Variants in CERS6 observed in about 807,000 individuals in gnomAD.
CERS6 encodes ceramide synthase 6.
A neutral mutation model predicts 56.8 loss-of-function variants in CERS6; 26 were observed. The observed-to-expected ratio is 0.46, with a 90% CI of 0.34 to 0.63. The LOEUF (loss-of-function observed/expected upper bound fraction) is 0.63, where lower values mean the gene tolerates loss of function less well. CERS6 is among the 30% of genes least tolerant of loss of function. The pLI is 0.01. For synonymous variants in CERS6, 164 were observed against 173.3 expected, an observed-to-expected ratio of 0.95 and a Z score of 0.42; for missense variants, 415 against 467.5, an observed-to-expected ratio of 0.89 and a Z score of 1.04.
intron 3 of CERS6, among the ~76,000 whole-genome samples, chr2:168,595,241 A>G (rs781437235): frequency 1.3e-5 from 2 of 152,238 alleles, no homozygotes; most frequent in African/African-American, 2.4e-5. Context: ...GAGCACATGT[A>G]TCCTATGCAG....
intron 4 of CERS6, among the ~76,000 whole-genome samples, chr2:168,651,948 T>G (rs997196414): frequency 6.6e-6 from 1 of 152,246 alleles, no homozygotes; most frequent in African/African-American, 2.4e-5. Flanking sequence ...TGATAATTTA[T>G]TAGCTGGTAA....
intron 3 of CERS6, among the ~76,000 whole-genome samples, chr2:168,628,280 AC>A (rs545939403): frequency 7.2e-4 from 109 of 152,298 alleles, no homozygotes; most frequent in African/African-American, 2.5e-3. Context: ...AGACCTGCTC[AC>A]AGAGGGGATG....
intron 1 of CERS6, among the ~76,000 whole-genome samples, chr2:168,529,769 A>G (rs764164126): frequency 6.6e-6 from 1 of 152,158 alleles, no homozygotes; most frequent in Non-Finnish European, 1.5e-5. Flanking sequence ...TTCCTCAGGG[A>G]CATTTTGAGG....
chr2:168,646,734 C>G (rs1685212411), intron 4 of CERS6, among the ~76,000 whole-genome samples: 1 of 152,142 alleles, frequency 6.6e-6, no homozygotes, highest in African/African-American at 2.4e-5. Context: ...AGGAAGGGGT[C>G]CAGCTTCAGT....
chr2:168,772,835 C>T lies in CERS6; in HGVS notation c.*3173C>T, dbSNP rs181135958. The stretch of plus-strand genomic sequence containing the variant: ...CTGCATCATTATATAATGCCACAGG[C>T]ATCTAGTCAAGGTAAAGAAGCCAGA... On this transcript the variant is annotated 3_prime_UTR_variant, in exon 10 of 10. Transcript: ENST00000305747. The T allele has an allele frequency of 3.9e-5, 6 of 152,714 alleles. No individual in the cohort carries two copies. The highest frequency in any genetic ancestry group is 3.9e-4 in the Admixed American group (6 of 15,292). 9.5% of individuals were successfully genotyped at this position (152,714 alleles called of 1,614,324 possible).
At chr2:168,676,316 C>T (rs1686057879) in intron 4 of CERS6, among the ~76,000 whole-genome samples, 1 of 152,122 alleles carries the variant, frequency 6.6e-6, no homozygotes, top group South Asian at 2.1e-4. Flanking sequence ...ATGGCTGTTT[C>T]ACCCATACAC....
chr2:168,533,519 T>G (rs532273498), intron 1 of CERS6, among the ~76,000 whole-genome samples: 2 of 152,350 alleles, frequency 1.3e-5, no homozygotes, highest in South Asian at 4.1e-4. Flanking sequence ...CCTTGTCTTG[T>G]GCCCAAAGGG....
At chr2:168,760,958 T>C (rs1021766799) in intron 8 of CERS6, among the ~76,000 whole-genome samples, 4 of 151,954 alleles carry the variant, frequency 2.6e-5, no homozygotes, top group African/African-American at 9.7e-5. Flanking sequence ...GGGGTTTCAC[T>C]GTGTTAGCCA....
chr2:168,723,671 T>C (rs531863036), intron 8 of CERS6, among the ~76,000 whole-genome samples: 9 of 152,246 alleles, frequency 5.9e-5, no homozygotes, highest in Admixed American at 4.6e-4. Context: ...ATAATGACTG[T>C]GGAATAATCT....
intron 6 of CERS6, among the ~76,000 whole-genome samples, chr2:168,705,703 T>C (rs755942237): frequency 3.3e-4 from 50 of 152,218 alleles, no homozygotes; most frequent in Non-Finnish European, 6.3e-4. Flanking sequence ...AAATGGATGA[T>C]GGCTTTTGAG....
intron 2 of CERS6, among the ~76,000 whole-genome samples, chr2:168,550,947 A>G (rs1695560252): frequency 6.6e-6 from 1 of 152,214 alleles, no homozygotes; most frequent in South Asian, 2.1e-4. Context: ...GCTACAAGCC[A>G]GGGGATGAGG....
intron 1 of CERS6, among the ~76,000 whole-genome samples, chr2:168,525,259 G>T (rs901973259): frequency 6.6e-6 from 1 of 152,160 alleles, no homozygotes; most frequent in African/African-American, 2.4e-5. Flanking sequence ...TAGGCCCCAC[G>T]CCCAGAGTTG....
intron 3 of CERS6, among the ~76,000 whole-genome samples, chr2:168,580,675 A>T (rs1683387335): frequency 1.3e-5 from 2 of 152,092 alleles, no homozygotes; most frequent in South Asian, 4.1e-4. Context: ...TTGTCTGAAG[A>T]TCCTTGAGGC....
intron 1 of CERS6, among the ~76,000 whole-genome samples, chr2:168,528,992 T>C (rs1695119047): frequency 6.6e-6 from 1 of 152,180 alleles, no homozygotes; most frequent in Non-Finnish European, 1.5e-5. Context: ...AGGAGTTTGC[T>C]GGGACCATAG....
At chr2:168,690,570 T>A (rs1686472920) in intron 4 of CERS6, among the ~76,000 whole-genome samples, 1 of 152,192 alleles carries the variant, frequency 6.6e-6, no homozygotes, top group Non-Finnish European at 1.5e-5. Flanking sequence ...TACCTGCATG[T>A]CACTGAACCC....
chr2:168,509,355 TA>T (rs1166693925), intron 1 of CERS6, among the ~76,000 whole-genome samples: 2 of 152,218 alleles, frequency 1.3e-5, no homozygotes, highest in Non-Finnish European at 2.9e-5. Flanking sequence ...TTAATGCCAT[TA>T]AGACAACCAG....
intron 4 of CERS6, among the ~76,000 whole-genome samples, chr2:168,679,608 C>T (rs1686158677): frequency 6.6e-6 from 1 of 152,188 alleles, no homozygotes; most frequent in African/African-American, 2.4e-5. Flanking sequence ...TCATGAAAAA[C>T]AGTTTATTTG....
chr2:168,538,445 C>G (rs945832618), intron 1 of CERS6, among the ~76,000 whole-genome samples: 16 of 152,150 alleles, frequency 1.1e-4, no homozygotes, highest in African/African-American at 3.6e-4. Context: ...GAATGTCCTT[C>G]CCCCACTTAT....
intron 8 of CERS6, among the ~76,000 whole-genome samples, chr2:168,744,302 G>A (rs999634923): frequency 3.3e-5 from 5 of 152,012 alleles, no homozygotes; most frequent in Non-Finnish European, 7.4e-5. Context: ...CACCGTTCCC[G>A]GCCTGTTACT....
Sources: gnomAD v4.1 joint callset for allele counts (sites outside exome capture counted in the v4.1 genomes callset) on GRCh38, gnomAD v4.1.1 for gene constraint, MANE v1.5 for transcripts, NCBI Gene and HGNC (gene_info 2026-07-23, HGNC 2026-07-21) for gene names.